The following KHDRBS2 variants were observed in gnomAD, a reference collection of about 807,000 sequenced individuals.
KHDRBS2 encodes the protein KH RNA binding domain containing, signal transduction associated 2.
Under a neutral mutation model 44.3 loss-of-function variants are expected in KHDRBS2, and 26 were observed. The observed-to-expected ratio is 0.59, with a 90% CI of 0.43 to 0.81. KHDRBS2 has a LOEUF of 0.81. KHDRBS2 is among the 40% of genes least tolerant of loss of function. The pLI, the probability that KHDRBS2 is intolerant of heterozygous loss-of-function variation, is 0.00. For missense variants in KHDRBS2, 476 were observed against 433.1 expected, an observed-to-expected ratio of 1.10 and a Z score of -0.88; for synonymous variants, 194 against 151.1, an observed-to-expected ratio of 1.28 and a Z score of -2.08.
intron 1 of KHDRBS2, among the ~76,000 whole-genome samples, chr6:62,229,537 C>T (rs552292976): frequency 2.9e-4 from 44 of 152,308 alleles, no homozygotes; most frequent in African/African-American, 9.9e-4. Context: ...TGTTGCCCCT[C>T]CCCACTGGAG....
chr6:62,163,016 G>T (rs1326537647), intron 2 of KHDRBS2, among the ~76,000 whole-genome samples: 1 of 151,986 alleles, frequency 6.6e-6, no homozygotes, highest in Non-Finnish European at 1.5e-5. Context: ...TTGGAGAGAG[G>T]TCTTGGCTGG....
At chr6:61,863,031 C>T (rs576044897) in intron 6 of KHDRBS2, among the ~76,000 whole-genome samples, 7 of 151,866 alleles carry the variant, frequency 4.6e-5, no homozygotes, top group Non-Finnish European at 5.9e-5. Context: ...TGTATGTCTC[C>T]TATTTATCCA....
chr6:61,606,251 C>A, the KHDRBS2 span, among the ~76,000 whole-genome samples: 1 of 152,204 alleles, frequency 6.6e-6, no homozygotes, highest in Non-Finnish European at 1.5e-5. Context: ...GTTTGGTGGT[C>A]TGTTCACATG....
At chr6:61,626,442 T>C in the KHDRBS2 span, among the ~76,000 whole-genome samples, 1 of 152,192 alleles carries the variant, frequency 6.6e-6, no homozygotes, top group South Asian at 2.1e-4. Context: ...TTTCCACTGG[T>C]ATGCAATGCA....
the KHDRBS2 span, among the ~76,000 whole-genome samples, chr6:61,608,296 A>C: frequency 7.2e-6 from 1 of 139,642 alleles, no homozygotes; most frequent in African/African-American, 2.7e-5. Flanking sequence ...CTCTCCCTTT[A>C]TATGTGTGTA....
At chr6:62,191,159 G>A (rs1476781055) in intron 1 of KHDRBS2, among the ~76,000 whole-genome samples, 2 of 152,094 alleles carry the variant, frequency 1.3e-5, no homozygotes, top group Non-Finnish European at 2.9e-5. Context: ...ACCCTGACAT[G>A]TACCTGCTTC....
chr6:61,668,232 C>T, the KHDRBS2 span, among the ~76,000 whole-genome samples: 65 of 150,884 alleles, frequency 4.3e-4, no homozygotes, highest in African/African-American at 1.5e-3. Flanking sequence ...CTTTGGTATA[C>T]CTTTGGCATG....
chr6:61,832,998 CT>C (rs1339877479), intron 6 of KHDRBS2, among the ~76,000 whole-genome samples: 1 of 151,880 alleles, frequency 6.6e-6, no homozygotes, highest in Non-Finnish European at 1.5e-5. Context: ...ATACAAATAC[CT>C]TCTGGACTTG....
intron 6 of KHDRBS2, among the ~76,000 whole-genome samples, chr6:61,828,461 T>C (rs1791276072): frequency 6.6e-6 from 1 of 152,188 alleles, no homozygotes; most frequent in African/African-American, 2.4e-5. Flanking sequence ...GCCCTTTCAT[T>C]ATTCTTTGTA....
the KHDRBS2 span, among the ~76,000 whole-genome samples, chr6:61,599,261 T>A: frequency 6.6e-6 from 1 of 152,120 alleles, no homozygotes; most frequent in African/African-American, 2.4e-5. Context: ...CAAGGGAGTT[T>A]CTGAGGCTGT....
chr6:61,777,222 G>T (rs1478267663), intron 6 of KHDRBS2, among the ~76,000 whole-genome samples: 1 of 152,016 alleles, frequency 6.6e-6, no homozygotes, highest in Non-Finnish European at 1.5e-5. Context: ...ACACCAACAT[G>T]GCACATGTAT....
At position 61,945,100 on chromosome 6, in the gene KHDRBS2, AAAAAAAAAAAAAG is replaced by A. The variant is rs1488977989; in HGVS notation, c.483+32953_483+32965del. Among the ~76,000 whole-genome samples the A allele has an allele frequency of 9.3e-4, 49 of 52,450 alleles. 1 individual carries two copies. The highest frequency in any genetic ancestry group is 2.0e-3 in the African/African-American group (31 of 15,266). The allele number at this position is 52,450 out of a possible 152,430, so 34.4% of individuals were successfully genotyped here. ...AGTGAGACTCTGTCTTAAAAAAAAA[AAAAAAAAAAAAAG>A]TATATATATATATATATATATATAT... On this transcript the variant is annotated intron_variant, in intron 4 of 8. Transcript: ENST00000281156.
In KHDRBS2 at chr6:61,954,886, A is replaced by G. The variant is rs867374972; in HGVS notation, c.483+23180T>C. Among the ~76,000 whole-genome samples, 21 of 132,586 alleles carry G rather than the reference A, an allele frequency of 1.6e-4. 1 individual carries two copies. The highest frequency in any genetic ancestry group is 4.5e-4 in the African/African-American group (13 of 28,906). 87.0% of individuals were successfully genotyped at this position (132,586 alleles called of 152,430 possible). A position where few individuals can be genotyped will look rare whatever the true frequency, so the allele number is the denominator to read the frequency against. ...TACACATACATATGTGTATATATGTATATATACACATACATATGTGTGCAT... is the reference window on the plus strand; with the variant it reads ...TACACATACATATGTGTATATATGTGTATATACACATACATATGTGTGCAT... On this transcript the variant is annotated intron_variant, in intron 4 of 8. Coordinates refer to ENST00000281156, the MANE Select transcript of KHDRBS2 (RefSeq NM_152688.4).
intron 7 of KHDRBS2, among the ~76,000 whole-genome samples, chr6:61,720,669 T>A (rs561145152): frequency 1.1e-3 from 167 of 152,372 alleles, no homozygotes; most frequent in African/African-American, 3.9e-3. Flanking sequence ...TTGTAGATTC[T>A]GGATATTAGC....
the KHDRBS2 span, among the ~76,000 whole-genome samples, chr6:61,654,174 G>A: frequency 6.6e-6 from 1 of 152,164 alleles, no homozygotes; most frequent in African/African-American, 2.4e-5. Context: ...TTACTAGAAA[G>A]GGCGCTAACA....
chr6:62,052,609 G>C (rs1210481406), intron 2 of KHDRBS2, among the ~76,000 whole-genome samples: 4 of 145,520 alleles, frequency 2.7e-5, no homozygotes, highest in African/African-American at 1.0e-4. Flanking sequence ...GGTGGGGTGG[G>C]GGTGGAGGAG....
Position 62,226,622 on chromosome 6 carries a change from CAAT to C in KHDRBS2, c.92-49313_92-49311del, listed in dbSNP as rs1168971838. ...GAAGGCTTTGCCCATGACTACGTCT[CAAT>C]GATACTGCTTAAGTTTTCTTCTAGG... On this transcript the variant is annotated intron_variant, in intron 1 of 8. Coordinates refer to ENST00000281156, the MANE Select transcript of KHDRBS2 (RefSeq NM_152688.4). 5.9e-5 allele frequency among the ~76,000 whole-genome samples: 9 copies of C among 152,164 alleles called. 1 individual carries two copies. The East Asian group carries it at 1.7e-3, about 29-fold the overall frequency.
rs1335209665 is a variant in KHDRBS2, at chr6:61,954,353, G to GCA, written c.483+23712_483+23713insTG. On this transcript the variant is annotated intron_variant, in intron 4 of 8. Transcript: ENST00000281156. ...TATATGTATAGATAGATATACATAT[G>GCA]TATGCATACATATATACGTATGTAT... is the stretch of plus-strand genomic sequence containing the variant. Among the ~76,000 whole-genome samples the GCA allele has an allele frequency of 9.4e-3, 1,305 of 139,306 alleles. 225 individuals are homozygous for GCA. The highest frequency in any genetic ancestry group is 0.018 in the East Asian group (83 of 4,640). 91.4% of individuals were successfully genotyped at this position (139,306 alleles called of 152,430 possible).
chr6:61,981,819 T>C (rs1352533545), intron 3 of KHDRBS2, among the ~76,000 whole-genome samples: 3 of 152,172 alleles, frequency 2.0e-5, no homozygotes, highest in Non-Finnish European at 2.9e-5. Flanking sequence ...CATTGTCAAA[T>C]AAGAAGAGTT....
Sources: allele counts gnomAD v4.1 joint callset (sites outside exome capture counted in the v4.1 genomes callset), GRCh38; gene constraint gnomAD v4.1.1; transcripts MANE v1.5; gene names NCBI Gene and HGNC (gene_info 2026-07-23, HGNC 2026-07-21).